The following CHST8 variants were observed in gnomAD, a reference collection of about 807,000 sequenced individuals.
CHST8 encodes carbohydrate sulfotransferase 8, also known as GALNAC-4-ST1.
CHST8 carries 10 observed loss-of-function variants against 15.0 expected under a neutral mutation model. That is an observed-to-expected ratio of 0.67 (90% CI 0.41 to 1.13). CHST8 has a LOEUF of 1.13. Ranked by LOEUF, CHST8 falls within the 50% of genes most tolerant of loss-of-function variation. The pLI, the probability that CHST8 is intolerant of heterozygous loss-of-function variation, is 0.00. For missense variants in CHST8, 634 were observed against 608.2 expected, an observed-to-expected ratio of 1.04 and a Z score of -0.45; for synonymous variants, 259 against 256.6, an observed-to-expected ratio of 1.01 and a Z score of -0.09.
chr19:33,636,419 T>C (rs1429067677), intron 1 of CHST8, among the ~76,000 whole-genome samples: 1 of 152,118 alleles, frequency 6.6e-6, no homozygotes, highest in African/African-American at 2.4e-5. Context: ...CCCTATGCAG[T>C]ATTTCACGTC....
intron 1 of CHST8, among the ~76,000 whole-genome samples, chr19:33,664,805 G>A (rs887714683): frequency 6.6e-6 from 1 of 151,852 alleles, no homozygotes; most frequent in Non-Finnish European, 1.5e-5. Flanking sequence ...GTCTTCATGA[G>A]ATCCAATTTT....
Position 33,773,175 on chromosome 19 carries a change from A to G in CHST8, c.*112A>G. The G allele has an allele frequency of 7.9e-7, 1 of 1,258,818 alleles. No homozygotes were observed. Among genetic ancestry groups the G allele is most frequent in the East Asian group, 2.5e-5 (1 of 39,610 alleles). The allele number at this position is 1,258,818 out of a possible 1,614,324, so 78.0% of individuals were successfully genotyped here. A position where few individuals can be genotyped will look rare whatever the true frequency, so the allele number is the denominator to read the frequency against. On this transcript the variant is annotated 3_prime_UTR_variant, in exon 5 of 5. Coordinates refer to ENST00000650847, the MANE Select transcript of CHST8 (RefSeq NM_001127895.2). ...GGAGCAACAGGGCTCTGAGGACGTG[A>G]GGAGCCATCGCTGTGGGAGGCAGCA...
intron 3 of CHST8, among the ~76,000 whole-genome samples, chr19:33,742,385 C>A (rs760232312): frequency 2.0e-5 from 3 of 152,178 alleles, no homozygotes; most frequent in Non-Finnish European, 2.9e-5. Context: ...CCTCAGGAAG[C>A]TTTTACTCAT....
chr19:33,722,177 G>C (rs915257649), intron 3 of CHST8, among the ~76,000 whole-genome samples: 1 of 150,124 alleles, frequency 6.7e-6, no homozygotes, highest in Non-Finnish European at 1.5e-5. Context: ...AGCTAGGTGG[G>C]TGGGTGGGCA....
At chr19:33,759,192 G>A (rs760791072) in intron 3 of CHST8, among the ~76,000 whole-genome samples, 8 of 152,218 alleles carry the variant, frequency 5.3e-5, no homozygotes, top group Non-Finnish European at 1.0e-4. Context: ...GGGGACGAAT[G>A]TCCAAACTAC....
chr19:33,681,258 C>T (rs1005909937), intron 2 of CHST8, among the ~76,000 whole-genome samples: 1 of 152,194 alleles, frequency 6.6e-6, no homozygotes, highest in Non-Finnish European at 1.5e-5. Context: ...TGGAACTCAC[C>T]TCAGCCAGGG....
At chr19:33,751,951 G>A (rs1974429570) in intron 3 of CHST8, among the ~76,000 whole-genome samples, 1 of 152,180 alleles carries the variant, frequency 6.6e-6, no homozygotes, top group African/African-American at 2.4e-5. Flanking sequence ...AGGGATCGGG[G>A]TAGCAGCGTG....
intron 1 of CHST8, among the ~76,000 whole-genome samples, chr19:33,643,497 C>G (rs928785672): frequency 6.6e-6 from 1 of 152,232 alleles, no homozygotes; most frequent in African/African-American, 2.4e-5. Context: ...GCAGTTCTGC[C>G]TCCATATTTC....
rs1352727614 is a variant in CHST8, at chr19:33,772,294, C to A, written c.506C>A (p.Ala169Glu). ...CAGGAGGCCTGCGCCAAGTACCGGG[C>A]GAGCAGCAGCCGCCGGGCCGTCACG... The part of the protein sequence containing the change: ...VMQEACAKYR[A>E]SSSRRAVTPR... Residue 169 changes from alanine to glutamate, a missense_variant, in exon 5 of 5, where the codon GCG becomes GAG. Ala to Glu is a moderately radical substitution (Grantham distance 107, BLOSUM62 -1). Transcript: ENST00000650847. The A allele has an allele frequency of 5.6e-6, 9 of 1,602,108 alleles. No individual in the cohort carries two copies. The highest frequency in any genetic ancestry group is 1.3e-5 in the African/African-American group (1 of 75,026).
Position 33,690,068 on chromosome 19 carries a change from G to A in CHST8, c.130+677G>A, listed in dbSNP as rs535516878. On this transcript the variant is annotated intron_variant, in intron 3 of 4. Coordinates refer to ENST00000650847, the MANE Select transcript of CHST8 (RefSeq NM_001127895.2). ...TGCCGGGACACGGTCCCCATCCCCA[G>A]AGATATGGAAGGACAGGAGGTCAGC... is the stretch of plus-strand genomic sequence containing the variant. 2.5e-4 allele frequency among the ~76,000 whole-genome samples: 38 copies of A among 152,252 alleles called. No homozygotes were observed. The East Asian group carries it at 6.0e-3, about 24-fold the overall frequency.
Position 33,652,210 on chromosome 19 carries a change from T to C in CHST8, c.-163-15557T>C, listed in dbSNP as rs529841931. Among the ~76,000 whole-genome samples, 19 of 152,230 alleles carry C rather than the reference T, an allele frequency of 1.2e-4. No individual in the cohort carries two copies. In the South Asian group the frequency reaches 2.7e-3, roughly 22 times the overall value. Reference sequence around the variant, plus strand: ...TTTGGCCTTACATTCTATTTTACCATATATTAATATTACAAAACAACTCTG... The same window carrying C: ...TTTGGCCTTACATTCTATTTTACCACATATTAATATTACAAAACAACTCTG... On this transcript the variant is annotated intron_variant, in intron 1 of 4. Transcript: ENST00000650847.
intron 1 of CHST8, among the ~76,000 whole-genome samples, chr19:33,662,861 T>C (rs2145223529): frequency 6.6e-6 from 1 of 152,332 alleles, no homozygotes; most frequent in South Asian, 2.1e-4. Flanking sequence ...CAATCTGTTT[T>C]ATATTTGCAA....
chr19:33,678,945 C>G (rs992853317), intron 2 of CHST8, among the ~76,000 whole-genome samples: 2 of 152,144 alleles, frequency 1.3e-5, no homozygotes, highest in Non-Finnish European at 2.9e-5. Flanking sequence ...TCTCTTCATT[C>G]GCCACACATT....
chr19:33,686,106 C>G (rs928077728), intron 2 of CHST8, among the ~76,000 whole-genome samples: 1 of 152,064 alleles, frequency 6.6e-6, no homozygotes, highest in African/African-American at 2.4e-5. Flanking sequence ...GGGGCTAAAC[C>G]CTGAAGCCAC....
chr19:33,691,509 TC>T (rs1394290167), intron 3 of CHST8, among the ~76,000 whole-genome samples: 2 of 152,264 alleles, frequency 1.3e-5, no homozygotes, highest in Admixed American at 6.5e-5. Flanking sequence ...ATTCATTTAT[TC>T]CTTCCCTGTA....
At chr19:33,709,330 T>C (rs1335965319) in intron 3 of CHST8, among the ~76,000 whole-genome samples, 1 of 152,226 alleles carries the variant, frequency 6.6e-6, no homozygotes, top group Non-Finnish European at 1.5e-5. Flanking sequence ...CTTTCACCAA[T>C]AAGTATAATG....
At position 33,773,312 on chromosome 19, in the gene CHST8, C is replaced by G. The variant is rs114521575; in HGVS notation, c.*249C>G. 1.0e-3 allele frequency: 542 copies of G among 534,430 alleles called. 1 individual carries two copies. Among genetic ancestry groups the G allele is most frequent in the African/African-American group, 6.7e-3 (354 of 52,996 alleles). The allele number at this position is 534,430 out of a possible 1,614,324, so 33.1% of individuals were successfully genotyped here. A position where few individuals can be genotyped will look rare whatever the true frequency, so the allele number is the denominator to read the frequency against. On this transcript the variant is annotated 3_prime_UTR_variant, in exon 5 of 5. Coordinates refer to ENST00000650847, the MANE Select transcript of CHST8 (RefSeq NM_001127895.2). ...GGAGAGGCTGAGAACTGGGCAGACA[C>G]CCCTGGAGCTCAGCCGACAGTTTTG...
intron 3 of CHST8, among the ~76,000 whole-genome samples, chr19:33,733,573 A>G (rs552603582): frequency 6.6e-6 from 1 of 152,334 alleles, no homozygotes; most frequent in East Asian, 1.9e-4. Flanking sequence ...TACCAAGTGA[A>G]TACAGCCTTG....
chr19:33,727,486 G>C (rs537002031), intron 3 of CHST8, among the ~76,000 whole-genome samples: 1 of 152,346 alleles, frequency 6.6e-6, no homozygotes, highest in African/African-American at 2.4e-5. Context: ...GAGTCCCAGA[G>C]TGGGCTGTAG....
Sources: allele counts gnomAD v4.1 joint callset (sites outside exome capture counted in the v4.1 genomes callset), GRCh38; gene constraint gnomAD v4.1.1; transcripts MANE v1.5; gene names NCBI Gene and HGNC (gene_info 2026-07-23, HGNC 2026-07-21).